GPM6A: variants seen among roughly 807,000 people sequenced by gnomAD.
GPM6A encodes the protein neuronal membrane glycoprotein M6-a.
In GPM6A, 7 loss-of-function variants were observed where a neutral mutation model predicts 32.1. The ratio of observed to expected loss-of-function variants is 0.22; its 90% confidence interval spans 0.12 to 0.41. The LOEUF (loss-of-function observed/expected upper bound fraction) is 0.41. Ranked by LOEUF, GPM6A falls within the 10% of genes least tolerant of loss-of-function variation. The pLI, the probability that GPM6A is intolerant of heterozygous loss-of-function variation, is 1.00. For synonymous variants in GPM6A, 130 were observed against 123.4 expected (o/e 1.05, Z -0.35); for missense variants, 235 against 347.2 (o/e 0.68, Z 2.57).
chr4:175,642,966 T>C (rs1479257090), intron 4 of GPM6A, among the ~76,000 whole-genome samples: 1 of 152,226 alleles, frequency 6.6e-6, no homozygotes, highest in Admixed American at 6.5e-5. Flanking sequence ...CCTATCTTTC[T>C]TGATAGCAAA....
intron 1 of GPM6A, among the ~76,000 whole-genome samples, chr4:175,778,225 T>C (rs17659233): frequency 0.02 from 3,073 of 152,282 alleles, 55 homozygotes; most frequent in Non-Finnish European, 0.031. Context: ...GCATTTAGAT[T>C]TAGGCTACAA....
intron 1 of GPM6A, among the ~76,000 whole-genome samples, chr4:175,904,646 C>T (rs373106211): frequency 2.0e-5 from 3 of 152,128 alleles, no homozygotes; most frequent in Admixed American, 1.3e-4. Context: ...TATATCTGAA[C>T]GTGAAGGTAT....
intron 3 of GPM6A, 144 bp from the exon 4 acceptor site, chr4:175,652,131 A>T (rs774276270): frequency 1.6e-5 from 9 of 556,176 alleles, no homozygotes; most frequent in Non-Finnish European, 2.2e-5. Flanking sequence ...TTTGCAGCAC[A>T]GAAGGTTGAG....
chr4:175,822,702 T>G (rs551423535), intron 1 of GPM6A, among the ~76,000 whole-genome samples: 176 of 152,184 alleles, frequency 1.2e-3, no homozygotes, highest in African/African-American at 4.0e-3. Flanking sequence ...GGGATACATG[T>G]GCAGAACTGC....
At chr4:175,839,053 T>C (rs182620316) in intron 1 of GPM6A, among the ~76,000 whole-genome samples, 1 of 152,294 alleles carries the variant, frequency 6.6e-6, no homozygotes, top group East Asian at 1.9e-4. Context: ...TGCTATTACT[T>C]TGGTCTTAAT....
chr4:175,980,026 T>C (rs1041562726), intron 1 of GPM6A, among the ~76,000 whole-genome samples: 12 of 152,248 alleles, frequency 7.9e-5, no homozygotes, highest in African/African-American at 2.9e-4. Context: ...GTCTGGGTAC[T>C]GTGTGAGATA....
chr4:175,663,490 T>G (rs1326651420), intron 3 of GPM6A, among the ~76,000 whole-genome samples: 1 of 152,166 alleles, frequency 6.6e-6, no homozygotes, highest in African/African-American at 2.4e-5. Flanking sequence ...TAACAGTGTG[T>G]TGTATTCTTG....
intron 1 of GPM6A, among the ~76,000 whole-genome samples, chr4:175,721,736 T>C (rs1270947197): frequency 2.0e-5 from 3 of 152,206 alleles, no homozygotes; most frequent in Non-Finnish European, 4.4e-5. Context: ...GTGGCTTCAA[T>C]AGGTAGATAA....
At chr4:175,894,684 G>A (rs1458992956) in intron 1 of GPM6A, among the ~76,000 whole-genome samples, 1 of 152,046 alleles carries the variant, frequency 6.6e-6, no homozygotes, top group Non-Finnish European at 1.5e-5. Context: ...ATTTTTAATA[G>A]TAAAACCACA....
chr4:175,637,648 T>C (rs1740825003), intron 6 of GPM6A, among the ~76,000 whole-genome samples: 2 of 496 alleles, frequency 4.0e-3, no homozygotes, highest in East Asian at 0.12. Flanking sequence ...ATATATTATA[T>C]AAAATATAAA....
At chr4:175,825,980 GA>G (rs1475622300) in intron 1 of GPM6A, among the ~76,000 whole-genome samples, 1 of 152,070 alleles carries the variant, frequency 6.6e-6, no homozygotes, top group Non-Finnish European at 1.5e-5. Context: ...AGGAGTTCAA[GA>G]CCAGCCTGGA....
At chr4:175,732,134 T>G (rs1731461452) in intron 1 of GPM6A, among the ~76,000 whole-genome samples, 1 of 151,846 alleles carries the variant, frequency 6.6e-6, no homozygotes, top group Non-Finnish European at 1.5e-5. Context: ...GCCCAGCTAA[T>G]TTTTGTATTT....
intron 1 of GPM6A, among the ~76,000 whole-genome samples, chr4:175,764,747 C>G (rs2643994): frequency 0.63 from 94,860 of 151,488 alleles, 30,302 homozygotes; most frequent in African/African-American, 0.76. Context: ...ACATCTCAAA[C>G]TTAATATGCC....
chr4:175,750,612 G>A (rs1477286671), intron 1 of GPM6A, among the ~76,000 whole-genome samples: 2 of 59,182 alleles, frequency 3.4e-5, no homozygotes, highest in Admixed American at 1.7e-4. Flanking sequence ...TGGCTCTGTC[G>A]CCAAGGCTAG....
intron 2 of GPM6A, among the ~76,000 whole-genome samples, chr4:175,698,060 T>C (rs1744675180): frequency 1.3e-5 from 2 of 152,080 alleles, no homozygotes; most frequent in African/African-American, 4.8e-5. Context: ...TAAGTGTATG[T>C]ATTTAAGAGA....
intron 4 of GPM6A, among the ~76,000 whole-genome samples, chr4:175,645,969 T>C (rs1741442174): frequency 6.6e-6 from 1 of 152,200 alleles, no homozygotes; most frequent in Admixed American, 6.5e-5. Context: ...GTTTTCTTTA[T>C]TTTCAAAGTC....
At chr4:175,966,265 G>T (rs1044332375) in intron 1 of GPM6A, among the ~76,000 whole-genome samples, 10 of 151,904 alleles carry the variant, frequency 6.6e-5, no homozygotes, top group African/African-American at 2.4e-4. Flanking sequence ...AGCCAGGCAT[G>T]GTGGCATGTG....
chr4:175,672,675 G>T (rs957663872), intron 3 of GPM6A, among the ~76,000 whole-genome samples: 1 of 152,048 alleles, frequency 6.6e-6, no homozygotes, highest in Non-Finnish European at 1.5e-5. Flanking sequence ...ACATTATTGG[G>T]ATTCCAGTTT....
At chr4:175,805,166 G>A (rs977677715) in intron 1 of GPM6A, among the ~76,000 whole-genome samples, 4 of 151,700 alleles carry the variant, frequency 2.6e-5, no homozygotes, top group Non-Finnish European at 5.9e-5. Context: ...GTTTTGGGGG[G>A]AAGGTAATTT....
Sources: gnomAD v4.1 joint callset for allele counts (sites outside exome capture counted in the v4.1 genomes callset) on GRCh38, gnomAD v4.1.1 for gene constraint, MANE v1.5 for transcripts, NCBI Gene and HGNC (gene_info 2026-07-23, HGNC 2026-07-21) for gene names.